Variants in PLA2G4D observed in about 807,000 individuals in gnomAD.
The protein encoded by PLA2G4D is phospholipase A2 group IVD.
In PLA2G4D, 80 loss-of-function variants were observed where a neutral mutation model predicts 94.4. That is an observed-to-expected ratio of 0.85 (90% confidence interval 0.71 to 1.02). PLA2G4D has a LOEUF of 1.02. PLA2G4D is among the 50% of genes least tolerant of loss of function. The pLI, the probability that PLA2G4D is intolerant of heterozygous loss-of-function variation, is 0.00. For synonymous variants in PLA2G4D, 438 were observed against 440.9 expected (o/e 0.99, Z 0.08); for missense variants, 1,050 against 1,034.7 (o/e 1.01, Z -0.20).
At chr15:42,093,878 G>C (rs1191032016) in intron 1 of PLA2G4D, among the ~76,000 whole-genome samples, 1 of 152,174 alleles carries the variant, frequency 6.6e-6, no homozygotes, top group Non-Finnish European at 1.5e-5. Flanking sequence ...GGCAGAGGAT[G>C]AAAACTCTGG....
Position 42,071,907 on chromosome 15 carries a change from C to A in PLA2G4D, c.1440G>T (p.Trp480Cys). 6.2e-7 allele frequency: 1 copy of A among 1,614,048 alleles called. No individual in the cohort carries two copies. Among genetic ancestry groups the A allele is most frequent in the South Asian group, 1.1e-5 (1 of 91,074 alleles). ...NNLETLDFKEWVEFSPYEVGF... is the reference protein window; with the variant it reads ...NNLETLDFKECVEFSPYEVGF... The stretch of plus-strand genomic sequence containing the variant: ...CGACCTCATAGGGGGAGAACTCAAC[C>A]CACTCTAATGGGGTGGGAAGGAGAG... The change falls in exon 15 of 20, where the codon TGG (tryptophan) becomes TGT (cysteine). Residue 480 changes from tryptophan to cysteine, a missense_variant. By Grantham distance (215) the Trp-to-Cys change is radical. Coordinates refer to ENST00000290472, the MANE Select transcript of PLA2G4D (RefSeq NM_178034.4).
Position 42,072,368 on chromosome 15 carries a change from G to A in PLA2G4D, c.1342C>T (p.Gln448Ter). Reference sequence around the variant, plus strand: ...TGACCCCGTTCCAGGGCGGCTCTCTGTCCTGACAGCTTCTGATCCATCACC... The same window carrying A: ...TGACCCCGTTCCAGGGCGGCTCTCTATCCTGACAGCTTCTGATCCATCACC... Reference protein sequence around the residue: ...GQVMDQKLSGQRAALERGQNP... With the variant: ...GQVMDQKLSG The change falls in exon 14 of 20, where the codon CAG becomes TAG. Residue 448 changes from glutamine to a stop codon, truncating the protein, a stop_gained. Coordinates refer to ENST00000290472, the MANE Select transcript of PLA2G4D (RefSeq NM_178034.4). LOFTEE classifies it high-confidence loss of function. 6.2e-7 allele frequency: 1 copy of A among 1,613,176 alleles called. No individual in the cohort carries two copies. Among genetic ancestry groups the A allele is most frequent in the Non-Finnish European group, 8.5e-7 (1 of 1,179,968 alleles).
intron 11 of PLA2G4D, 102 bp from the exon 12 acceptor site, chr15:42,081,235 G>C (rs545300051): frequency 3.3e-6 from 5 of 1,507,450 alleles, no homozygotes; most frequent in Admixed American, 4.1e-5. Flanking sequence ...GGAAGGGACC[G>C]CATAGTTGGG....
chr15:42,068,811 G>A lies in PLA2G4D; in HGVS notation c.2361C>T (p.Tyr787=). ...DFERLLRLSD[Y]NVQTSQGAIL... The stretch of plus-strand genomic sequence containing the variant: ...TGGCACCCTGGCTGGTCTGCACGTT[G>A]TAGTCACTGAGCCGCAGCAGGCGCT... The change falls in exon 20 of 20, where the codon TAC becomes TAT. Residue 787 remains tyrosine (Y), a synonymous_variant. Transcript: ENST00000290472. 6.2e-7 allele frequency: 1 copy of A among 1,613,856 alleles called. No homozygotes were observed. Among genetic ancestry groups the A allele is most frequent in the Non-Finnish European group, 8.5e-7 (1 of 1,179,900 alleles).
chr15:42,082,657 G>A (rs755820978), intron 8 of PLA2G4D, among the ~76,000 whole-genome samples: 1 of 152,184 alleles, frequency 6.6e-6, no homozygotes, highest in Non-Finnish European at 1.5e-5. Flanking sequence ...TAAGTGGTGT[G>A]ATATGACAGT....
chr15:42,082,785 T>G (rs1890063678), intron 8 of PLA2G4D, among the ~76,000 whole-genome samples: 1 of 151,958 alleles, frequency 6.6e-6, no homozygotes. Flanking sequence ...GGAGGCAGCC[T>G]TGGAGGAAGC....
chr15:42,087,596 C>T (rs1189816738), intron 2 of PLA2G4D, 32 bp downstream of exon 2: 1 of 1,613,274 alleles, frequency 6.2e-7, no homozygotes, highest in East Asian at 2.2e-5. Context: ...GTCCTCCCTG[C>T]TCCCGACAGA....
chr15:42,088,935 G>A (rs1229164543), intron 1 of PLA2G4D, among the ~76,000 whole-genome samples: 1 of 152,208 alleles, frequency 6.6e-6, no homozygotes, highest in Non-Finnish European at 1.5e-5. Context: ...CAGGAGCCAT[G>A]CAGTGTGGCG....
At position 42,084,734 on chromosome 15, in the gene PLA2G4D, A is replaced by C. The variant is rs1373353044; in HGVS notation, c.471+362T>G. Among the ~76,000 whole-genome samples the C allele has an allele frequency of 6.6e-6, 1 of 152,062 alleles. No homozygotes were observed. Among genetic ancestry groups the C allele is most frequent in the Non-Finnish European group, 1.5e-5 (1 of 67,984 alleles). ...AGCCTCGGTGACCTCAACGTGAACA[A>C]CCGGAAGGTGGGCCTGGCCTACCTG... On this transcript the variant is annotated intron_variant, in intron 6 of 19. Coordinates refer to ENST00000290472, the MANE Select transcript of PLA2G4D (RefSeq NM_178034.4). This position sits in a 1 kb window ranked among gnomAD's most constrained non-coding sequence, Gnocchi z 4.8.
chr15:42,081,738 A>G, intron 10 of PLA2G4D, 59 bp downstream of exon 10: 1 of 1,613,054 alleles, frequency 6.2e-7, no homozygotes, highest in South Asian at 1.1e-5. Flanking sequence ...CTTTGTCCAT[A>G]GCCCTCCCCT....
chr15:42,094,351 C>T, intron 1 of PLA2G4D, 64 bp downstream of exon 1: 2 of 1,586,762 alleles, frequency 1.3e-6, no homozygotes, highest in Middle Eastern at 1.7e-4. Flanking sequence ...TCACACTTCC[C>T]AGAATGCACC....
chr15:42,074,175 A>T (rs762756286), intron 13 of PLA2G4D, among the ~76,000 whole-genome samples: 2 of 152,130 alleles, frequency 1.3e-5, no homozygotes, highest in African/African-American at 2.4e-5. Context: ...AAAGTTCTGG[A>T]AAAAGGTCAG....
At position 42,081,835 on chromosome 15, in the gene PLA2G4D, C is replaced by G. The variant is rs757312673; in HGVS notation, c.784-1G>C. 1 of 1,614,172 alleles carries G rather than the reference C, an allele frequency of 6.2e-7. No homozygotes were observed. Among genetic ancestry groups the G allele is most frequent in the South Asian group, 1.1e-5 (1 of 91,082 alleles). ...TGAGCTGCAGCCTCACTCCTGGGGCCTGAAATCAAAGCCAGAGACTCTGCT... is the reference window on the plus strand; with the variant it reads ...TGAGCTGCAGCCTCACTCCTGGGGCGTGAAATCAAAGCCAGAGACTCTGCT... On this transcript the variant is annotated splice_acceptor_variant, in intron 9 of 19. Transcript: ENST00000290472. LOFTEE classifies it high-confidence loss of function.
rs138606530 is a variant in PLA2G4D at position 42,081,089 on chromosome 15, G to A, written c.1002C>T (p.Ala334=). Residue 334 remains alanine (A), a synonymous_variant, in exon 12 of 20, where the codon GCC becomes GCT. Transcript: ENST00000290472. ...GIMATGGGAR[A]MTSLYGHLLA... ...ATAGGTGGCCGTAGAGTGAGGTCATGGCCCGGGCACCTCCTCCTGTGGCCA... is the reference window on the plus strand; with the variant it reads ...ATAGGTGGCCGTAGAGTGAGGTCATAGCCCGGGCACCTCCTCCTGTGGCCA... 1.5e-4 allele frequency: 246 copies of A among 1,614,212 alleles called. No homozygotes were observed. The African/African-American group carries it at 3.1e-3, about 20-fold the overall frequency.
intron 11 of PLA2G4D, 146 bp downstream of exon 11, chr15:42,081,333 G>C (rs1890033633): frequency 1.4e-6 from 2 of 1,441,110 alleles, no homozygotes; most frequent in Non-Finnish European, 1.9e-6. Context: ...AAGGGAGTTA[G>C]AACCACAAAG....
chr15:42,078,492 A>T (rs921023173), intron 13 of PLA2G4D, among the ~76,000 whole-genome samples: 2 of 152,204 alleles, frequency 1.3e-5, no homozygotes, highest in African/African-American at 2.4e-5. Flanking sequence ...AAAGATTGAG[A>T]TTTGCATAAT....
At chr15:42,089,374 G>C (rs930745115) in intron 1 of PLA2G4D, among the ~76,000 whole-genome samples, 1 of 152,124 alleles carries the variant, frequency 6.6e-6, no homozygotes, top group Non-Finnish European at 1.5e-5. Context: ...CCACAGCAAA[G>C]CCATATGCCT....
intron 1 of PLA2G4D, among the ~76,000 whole-genome samples, chr15:42,091,567 A>C (rs957072418): frequency 4.2e-5 from 6 of 144,000 alleles, no homozygotes; most frequent in African/African-American, 1.2e-4. Context: ...GCTACTTAGC[A>C]GACCGGGAAA....
intron 7 of PLA2G4D, 79 bp downstream of exon 7, chr15:42,083,637 G>A: frequency 1.3e-6 from 2 of 1,538,106 alleles, no homozygotes; most frequent in Non-Finnish European, 9.0e-7. Context: ...CTGGCCTCCT[G>A]CCCTGCGCAG....
Sources: gnomAD v4.1 joint callset for allele counts (sites outside exome capture counted in the v4.1 genomes callset) on GRCh38, gnomAD v4.1.1 for gene constraint, Gnocchi (gnomAD v3.1) non-coding constraint, MANE v1.5 for transcripts, NCBI Gene and HGNC (gene_info 2026-07-23, HGNC 2026-07-21) for gene names.